The following KL variants were observed in gnomAD, a reference collection of about 807,000 sequenced individuals.
KL encodes klotho.
Under a neutral mutation model 84.2 loss-of-function variants are expected in KL, and 62 were observed. The ratio of observed to expected loss-of-function variants is 0.74; its 90% confidence interval spans 0.60 to 0.91. The LOEUF is 0.91. KL is among the 40% of genes least tolerant of loss of function. The pLI, the probability that KL is intolerant of heterozygous loss-of-function variation, is 0.00. For synonymous variants in KL, 528 were observed against 528.0 expected, an observed-to-expected ratio of 1.00 and a Z score of 0.00; for missense variants, 1,261 against 1,305.7, an observed-to-expected ratio of 0.97 and a Z score of 0.53.
At chr13:33,041,122 A>C (rs1407419410) in intron 1 of KL, among the ~76,000 whole-genome samples, 2 of 152,084 alleles carry the variant, frequency 1.3e-5, no homozygotes, top group African/African-American at 4.8e-5. Context: ...ATCAATCATT[A>C]CCCAGACACA....
intron 1 of KL, among the ~76,000 whole-genome samples, chr13:33,030,555 C>T (rs1349446517): frequency 2.0e-5 from 3 of 152,066 alleles, no homozygotes; most frequent in South Asian, 2.1e-4. Flanking sequence ...TTTTGCTAGA[C>T]CACACTTGGA....
chr13:33,016,901 C>T lies in KL; in HGVS notation c.461C>T (p.Ala154Val), dbSNP rs1227996442. ...VTHYRFSISW[A>V]RVLPNGSAGV... Reference sequence around the variant, plus strand: ...CACTACCGCTTCTCCATCTCGTGGGCGCGAGTGCTCCCCAATGGCAGCGCG... The same window carrying T: ...CACTACCGCTTCTCCATCTCGTGGGTGCGAGTGCTCCCCAATGGCAGCGCG... Residue 154 changes from alanine to valine, a missense_variant, in exon 1 of 5, where the codon GCG becomes GTG. By Grantham distance (64) the Ala-to-Val change is moderately conservative. Transcript: ENST00000380099. 4 of 1,612,214 alleles carry T rather than the reference C, an allele frequency of 2.5e-6. No individual in the cohort carries two copies. The highest frequency in any genetic ancestry group is 2.5e-6 in the Non-Finnish European group (3 of 1,179,722).
At chr13:33,036,047 A>G (rs1023020257) in intron 1 of KL, among the ~76,000 whole-genome samples, 7 of 152,212 alleles carry the variant, frequency 4.6e-5, no homozygotes, top group African/African-American at 1.7e-4. Context: ...CTCCAAAATT[A>G]CAACATGATT....
At chr13:33,043,289 G>A (rs1018631888) in intron 1 of KL, among the ~76,000 whole-genome samples, 6 of 148,446 alleles carry the variant, frequency 4.0e-5, no homozygotes, top group South Asian at 2.1e-4. Flanking sequence ...GTGTGATCTC[G>A]GCTCACTGCA....
intron 3 of KL, among the ~76,000 whole-genome samples, chr13:33,056,453 C>CT (rs1357438754): frequency 2.0e-5 from 3 of 152,134 alleles, no homozygotes; most frequent in Non-Finnish European, 2.9e-5. Flanking sequence ...GATTATTCTT[C>CT]TTTTTCAGAC....
chr13:33,056,353 G>A (rs979385292), intron 3 of KL, among the ~76,000 whole-genome samples: 2 of 152,134 alleles, frequency 1.3e-5, no homozygotes, highest in Non-Finnish European at 2.9e-5. Context: ...TGTGAAATGG[G>A]TTGCTGTTTT....
chr13:33,065,761 AAAT>A lies in KL; in HGVS notation c.*1578_*1580del, dbSNP rs1317582536. 1 of 174,818 alleles carries A rather than the reference AAAT, an allele frequency of 5.7e-6. No homozygotes were observed. Among genetic ancestry groups the A allele is most frequent in the African/African-American group, 2.4e-5 (1 of 42,216 alleles). 10.8% of individuals were successfully genotyped at this position (174,818 alleles called of 1,614,324 possible). A position where few individuals can be genotyped will look rare whatever the true frequency, so the allele number is the denominator to read the frequency against. Reference sequence around the variant, plus strand: ...AACACAGAAACTATATGCAAAGAAAAAATAAAAATTATCTATAATCTCAGAACC... The same window carrying A: ...AACACAGAAACTATATGCAAAGAAAAAAAAATTATCTATAATCTCAGAACC... On this transcript the variant is annotated 3_prime_UTR_variant, in exon 5 of 5. Transcript: ENST00000380099.
intron 3 of KL, among the ~76,000 whole-genome samples, chr13:33,060,093 A>C (rs1210154670): frequency 6.6e-6 from 1 of 152,050 alleles, no homozygotes; most frequent in Non-Finnish European, 1.5e-5. Flanking sequence ...CCTCCCGAGC[A>C]ACTAGGACTA....
At chr13:33,046,749 T>TC (rs1038383083) in intron 1 of KL, among the ~76,000 whole-genome samples, 1 of 71,978 alleles carries the variant, frequency 1.4e-5, no homozygotes, top group African/African-American at 5.4e-5. Context: ...ATATATCTTG[T>TC]TTTTTTTTTT....
At chr13:33,049,101 C>T (rs1382570816) in intron 1 of KL, among the ~76,000 whole-genome samples, 1 of 152,100 alleles carries the variant, frequency 6.6e-6, no homozygotes, top group African/African-American at 2.4e-5. Flanking sequence ...ATCATTAGCA[C>T]ATTATGAGAT....
At chr13:33,029,591 T>C (rs500716) in intron 1 of KL, among the ~76,000 whole-genome samples, 47,585 of 152,140 alleles carry the variant, frequency 0.31, 8,729 homozygotes, top group Admixed American at 0.44. Flanking sequence ...CTTAGTTCAT[T>C]TTGTACAGCT....
upstream of KL, chr13:33,016,414 G>A (rs1389313325): frequency 9.6e-5 from 84 of 872,672 alleles, no homozygotes; most frequent in Non-Finnish European, 1.1e-4. Flanking sequence ...CGCGGCGCGG[G>A]GCCCCGGAGC....
In KL at chr13:33,064,468, C is replaced by A. The variant is rs143358951; in HGVS notation, c.*282C>A. On this transcript the variant is annotated 3_prime_UTR_variant, in exon 5 of 5. Coordinates refer to ENST00000380099, the MANE Select transcript of KL (RefSeq NM_004795.4). ...CTAACAAAAGCATGAAAAATAGGAA[C>A]CACACCAATGCAACATTTGTGCAGA... The A allele has an allele frequency of 2.9e-5, 10 of 343,608 alleles. No homozygotes were observed. The highest frequency in any genetic ancestry group is 8.3e-4 in the Middle Eastern group (1 of 1,212). The allele number at this position is 343,608 out of a possible 1,614,324, so 21.3% of individuals were successfully genotyped here. A position where few individuals can be genotyped will look rare whatever the true frequency, so the allele number is the denominator to read the frequency against.
intron 1 of KL, among the ~76,000 whole-genome samples, chr13:33,042,447 G>A (rs1335352059): frequency 1.3e-5 from 2 of 152,178 alleles, no homozygotes; most frequent in African/African-American, 2.4e-5. Flanking sequence ...CTGATTTTGG[G>A]ACTTTATGTA....
chr13:33,048,274 C>T (rs757520566), intron 1 of KL, among the ~76,000 whole-genome samples: 15 of 152,124 alleles, frequency 9.9e-5, no homozygotes, highest in Non-Finnish European at 1.8e-4. Context: ...TTTAGTTCTG[C>T]CAAGAAGTTA....
In KL at chr13:33,065,968, C is replaced by G. The variant is rs910211355; in HGVS notation, c.*1782C>G. 1 of 176,482 alleles carries G rather than the reference C, an allele frequency of 5.7e-6. No individual in the cohort carries two copies. Among genetic ancestry groups the G allele is most frequent in the South Asian group, 2.0e-4 (1 of 5,022 alleles). The allele number at this position is 176,482 out of a possible 1,614,324, so 10.9% of individuals were successfully genotyped here. A position where few individuals can be genotyped will look rare whatever the true frequency, so the allele number is the denominator to read the frequency against. ...CCACAGGAATGTATCACAACTTAAC[C>G]GTTCCCGTTTGTTAGACTAGTTTCT... On this transcript the variant is annotated 3_prime_UTR_variant, in exon 5 of 5. Coordinates refer to ENST00000380099, the MANE Select transcript of KL (RefSeq NM_004795.4).
chr13:33,020,513 C>A (rs1870537270), intron 1 of KL, among the ~76,000 whole-genome samples: 1 of 151,750 alleles, frequency 6.6e-6, no homozygotes, highest in African/African-American at 2.4e-5. Context: ...ACCGCCTTCT[C>A]CACGTGGATG....
chr13:33,054,587 C>A (rs976510421), intron 2 of KL, among the ~76,000 whole-genome samples: 1 of 152,212 alleles, frequency 6.6e-6, no homozygotes, highest in Non-Finnish European at 1.5e-5. Context: ...ATCTAGCTCT[C>A]TGCACATGTT....
At chr13:33,063,529 T>C (rs1279120821) in intron 4 of KL, among the ~76,000 whole-genome samples, 2 of 151,942 alleles carry the variant, frequency 1.3e-5, no homozygotes, top group Non-Finnish European at 2.9e-5. Context: ...TCCCAGCACT[T>C]TGGGAGGCTG....
Sources: allele counts gnomAD v4.1 joint callset (sites outside exome capture counted in the v4.1 genomes callset), GRCh38; gene constraint gnomAD v4.1.1; transcripts MANE v1.5; gene names NCBI Gene and HGNC (gene_info 2026-07-23, HGNC 2026-07-21).